NCOA2: variants seen among roughly 807,000 people sequenced by gnomAD.
NCOA2 encodes nuclear receptor coactivator 2, also known as class E basic helix-loop-helix protein 75.
Under a neutral mutation model 145.1 loss-of-function variants are expected in NCOA2, and 21 were observed. The ratio of observed to expected loss-of-function variants is 0.14; its 90% CI spans 0.10 to 0.21. The LOEUF is 0.21. NCOA2 is among the 10% of genes least tolerant of loss of function. The pLI is 1.00. For missense variants in NCOA2, 1,472 were observed against 1,837.6 expected, an observed-to-expected ratio of 0.80 and a Z score of 3.64; for synonymous variants, 619 against 637.5, an observed-to-expected ratio of 0.97 and a Z score of 0.44.
intron 4 of NCOA2, among the ~76,000 whole-genome samples, chr8:70,193,064 T>TA (rs397892713): frequency 0.74 from 63,686 of 86,468 alleles, 24,519 homozygotes; most frequent in Non-Finnish European, 0.81. Context: ...GAGACTCTAT[T>TA]AAAAAAAAAA....
chr8:70,196,947 A>G (rs1273337595), intron 4 of NCOA2, among the ~76,000 whole-genome samples: 3 of 152,204 alleles, frequency 2.0e-5, no homozygotes, highest in Non-Finnish European at 4.4e-5. Context: ...CAGTTTCCTT[A>G]TCTATGAAAC....
At chr8:70,269,280 T>C (rs1339863277) in intron 2 of NCOA2, among the ~76,000 whole-genome samples, 1 of 152,142 alleles carries the variant, frequency 6.6e-6, no homozygotes, top group African/African-American at 2.4e-5. Flanking sequence ...GGGCAGGACC[T>C]TCTTGTGACA....
chr8:70,149,710 CCTAT>C (rs1811539347), intron 11 of NCOA2, among the ~76,000 whole-genome samples: 1 of 152,076 alleles, frequency 6.6e-6, no homozygotes, highest in African/African-American at 2.4e-5. Flanking sequence ...TTAAATATAA[CCTAT>C]CTATGTGCCA....
At chr8:70,444,628 G>C in the NCOA2 span, among the ~76,000 whole-genome samples, 2 of 152,166 alleles carry the variant, frequency 1.3e-5, no homozygotes, top group Non-Finnish European at 2.9e-5. Context: ...ACTGGGCAAA[G>C]GGTATATGGG....
the NCOA2 span, among the ~76,000 whole-genome samples, chr8:70,431,756 T>A: frequency 6.6e-6 from 1 of 152,252 alleles, no homozygotes; most frequent in African/African-American, 2.4e-5. Context: ...GGTTTGTATA[T>A]GAATTTTAAT....
At chr8:70,408,253 A>G (rs932926320), upstream of NCOA2, among the ~76,000 whole-genome samples, 3 of 152,308 alleles carry the variant, frequency 2.0e-5, no homozygotes, top group East Asian at 5.8e-4. Context: ...CTTATTCACT[A>G]ATGATGATAT....
At chr8:70,351,522 A>C (rs1448595660) in intron 1 of NCOA2, among the ~76,000 whole-genome samples, 1 of 151,928 alleles carries the variant, frequency 6.6e-6, no homozygotes, top group Non-Finnish European at 1.5e-5. Flanking sequence ...CAATTTCAAT[A>C]ATTACTAATG....
chr8:70,266,571 C>T (rs1378327240), intron 2 of NCOA2, among the ~76,000 whole-genome samples: 4 of 152,170 alleles, frequency 2.6e-5, no homozygotes, highest in Admixed American at 2.6e-4. Flanking sequence ...TTTGCTCCTT[C>T]TCACCTCTTC....
chr8:70,250,552 G>C (rs375764643), intron 2 of NCOA2, among the ~76,000 whole-genome samples: 3 of 152,002 alleles, frequency 2.0e-5, no homozygotes, highest in Non-Finnish European at 4.4e-5. Flanking sequence ...CCTGGGCATC[G>C]GCGAGACCCC....
chr8:70,188,277 C>G (rs191752770), intron 4 of NCOA2, among the ~76,000 whole-genome samples: 6 of 152,318 alleles, frequency 3.9e-5, no homozygotes, highest in Non-Finnish European at 5.9e-5. Context: ...GGACAGTGGG[C>G]TTCCCAGAGA....
chr8:70,238,163 CG>C (rs1821813259), intron 2 of NCOA2, among the ~76,000 whole-genome samples: 1 of 151,574 alleles, frequency 6.6e-6, no homozygotes, highest in Admixed American at 6.6e-5. Context: ...CGCGCGCGCG[CG>C]TGTGTGTGTT....
intron 4 of NCOA2, among the ~76,000 whole-genome samples, chr8:70,197,906 C>T (rs1294129427): frequency 6.6e-6 from 1 of 151,588 alleles, no homozygotes; most frequent in Non-Finnish European, 1.5e-5. Flanking sequence ...TCAAGTGATC[C>T]TCCCAGCTCA....
At chr8:70,134,800 C>T (rs1446935438) in intron 15 of NCOA2, among the ~76,000 whole-genome samples, 1 of 152,158 alleles carries the variant, frequency 6.6e-6, no homozygotes. Flanking sequence ...CAAATAAATG[C>T]AGAGATTAAA....
intron 1 of NCOA2, among the ~76,000 whole-genome samples, chr8:70,321,368 C>G (rs529875745): frequency 6.5e-4 from 99 of 151,770 alleles, no homozygotes; most frequent in Non-Finnish European, 1.3e-3. Flanking sequence ...CCATGTTGCC[C>G]AGGCTAATCT....
chr8:70,268,499 T>C (rs1216813795), intron 2 of NCOA2, among the ~76,000 whole-genome samples: 2 of 152,186 alleles, frequency 1.3e-5, no homozygotes, highest in Non-Finnish European at 2.9e-5. Flanking sequence ...ATTTGACTAT[T>C]TTTCCCTTTA....
the NCOA2 span, among the ~76,000 whole-genome samples, chr8:70,442,222 C>A: frequency 1.3e-5 from 2 of 151,432 alleles, no homozygotes; most frequent in Non-Finnish European, 3.0e-5. Flanking sequence ...AACAGGGTCA[C>A]AGTCACAGGT....
chr8:70,333,904 C>CTCCT (rs146864387), intron 1 of NCOA2, among the ~76,000 whole-genome samples: 3,037 of 151,774 alleles, frequency 0.02, 117 homozygotes, highest in African/African-American at 0.07. Flanking sequence ...GTTAATTTCC[C>CTCCT]TCCTTCCTTC....
At chr8:70,231,268 C>T (rs373386977) in intron 2 of NCOA2, among the ~76,000 whole-genome samples, 1 of 152,212 alleles carries the variant, frequency 6.6e-6, no homozygotes, top group South Asian at 2.1e-4. Context: ...TGGTGTGACA[C>T]TGTTTCACAA....
At position 70,155,087 on chromosome 8, in the gene NCOA2, CTT is replaced by C. The variant is rs1461181093; in HGVS notation, c.2394+882_2394+883del. On this transcript the variant is annotated intron_variant, in intron 11 of 22. Transcript: ENST00000452400. ...TAAATAAGTATTATTTTGAATATCACTTAAGGTATCCTGGATTTTTTCAGGGA... is the reference window on the plus strand; with the variant it reads ...TAAATAAGTATTATTTTGAATATCACAAGGTATCCTGGATTTTTTCAGGGA... 5.9e-5 allele frequency among the ~76,000 whole-genome samples: 9 copies of C among 152,268 alleles called. No individual in the cohort carries two copies. In the East Asian group the frequency reaches 1.7e-3, roughly 29 times the overall value.
Sources: gnomAD v4.1 joint callset for allele counts (sites outside exome capture counted in the v4.1 genomes callset) on GRCh38, gnomAD v4.1.1 for gene constraint, MANE v1.5 for transcripts, NCBI Gene and HGNC (gene_info 2026-07-23, HGNC 2026-07-21) for gene names.